The following VWC2L variants were observed in gnomAD, a reference collection of about 807,000 sequenced individuals.
VWC2L encodes von Willebrand factor C domain containing 2 like.
A neutral mutation model predicts 21.6 loss-of-function variants in VWC2L; 10 were observed. The observed-to-expected ratio is 0.46, with a 90% confidence interval of 0.29 to 0.78. The LOEUF is 0.78. Ranked by LOEUF, VWC2L falls within the 30% of genes least tolerant of loss-of-function variation. The probability of loss-of-function intolerance (pLI) is 0.10; values close to 1 mark genes in which losing one functional copy is unlikely to be tolerated. For missense variants in VWC2L, 209 were observed against 277.1 expected, an observed-to-expected ratio of 0.75 and a Z score of 1.74; for synonymous variants, 96 against 94.3, an observed-to-expected ratio of 1.02 and a Z score of -0.10.
chr2:214,484,931 GAAATGTATCATCATGA>G (rs1191520206), intron 3 of VWC2L, among the ~76,000 whole-genome samples: 1 of 152,146 alleles, frequency 6.6e-6, no homozygotes, highest in Non-Finnish European at 1.5e-5. Context: ...CCAGAGCATG[GAAATGTATCATCATGA>G]AAATGTATCA....
At chr2:214,504,387 G>A (rs776724821) in intron 3 of VWC2L, among the ~76,000 whole-genome samples, 17 of 152,196 alleles carry the variant, frequency 1.1e-4, no homozygotes, top group Non-Finnish European at 1.9e-4. Flanking sequence ...GTCTGCATCT[G>A]ATTGCTCACT....
chr2:214,430,705 C>T (rs1288572078), intron 2 of VWC2L, among the ~76,000 whole-genome samples: 1 of 152,080 alleles, frequency 6.6e-6, no homozygotes, highest in Non-Finnish European at 1.5e-5. Flanking sequence ...AAAATATACT[C>T]CAGAATGTAT....
chr2:214,507,033 T>C (rs570470677), intron 3 of VWC2L, among the ~76,000 whole-genome samples: 53 of 152,202 alleles, frequency 3.5e-4, no homozygotes, highest in Middle Eastern at 3.5e-3. Flanking sequence ...AAATATAGAA[T>C]TGATTTTATA....
chr2:214,490,488 G>A (rs984721550), intron 3 of VWC2L, among the ~76,000 whole-genome samples: 1 of 152,100 alleles, frequency 6.6e-6, no homozygotes, highest in African/African-American at 2.4e-5. Flanking sequence ...GGGAGAGAAT[G>A]ATCAAGCTCA....
At chr2:214,568,715 G>T (rs755802097) in intron 3 of VWC2L, among the ~76,000 whole-genome samples, 1 of 152,168 alleles carries the variant, frequency 6.6e-6, no homozygotes, top group East Asian at 1.9e-4. Flanking sequence ...TTCACAACAG[G>T]TGATTATGTT....
intron 3 of VWC2L, among the ~76,000 whole-genome samples, chr2:214,500,936 G>T (rs1488552281): frequency 6.6e-6 from 1 of 152,106 alleles, no homozygotes; most frequent in Non-Finnish European, 1.5e-5. Flanking sequence ...TGAGACATTT[G>T]TCATAATTTC....
At chr2:214,574,939 T>C (rs758544864) in intron 3 of VWC2L, among the ~76,000 whole-genome samples, 1 of 149,172 alleles carries the variant, frequency 6.7e-6, no homozygotes, top group Non-Finnish European at 1.5e-5. Flanking sequence ...TCATCTATAA[T>C]GAGCAGGGGA....
chr2:214,418,954 C>T (rs1702395675), intron 2 of VWC2L, among the ~76,000 whole-genome samples: 1 of 152,168 alleles, frequency 6.6e-6, no homozygotes, highest in South Asian at 2.1e-4. Context: ...AATGACTACC[C>T]AGTGTTTTAG....
At chr2:214,530,242 A>G (rs1470916998) in intron 3 of VWC2L, among the ~76,000 whole-genome samples, 2 of 152,162 alleles carry the variant, frequency 1.3e-5, no homozygotes, top group Non-Finnish European at 2.9e-5. Context: ...TAAAGTCGTG[A>G]CAGCACCACC....
chr2:214,455,876 A>AT (rs201099378), intron 3 of VWC2L, among the ~76,000 whole-genome samples: 1,826 of 151,994 alleles, frequency 0.012, 37 homozygotes, highest in African/African-American at 0.042. Context: ...AAACTATGTC[A>AT]TTTTTTTTAT....
At chr2:214,534,178 CA>C (rs1175253613) in intron 3 of VWC2L, 2 of 152,338 alleles carry the variant, frequency 1.3e-5, no homozygotes, top group Admixed American at 6.6e-5. Context: ...ATGCTGCAGC[CA>C]AGATGGTAAA....
At chr2:214,417,851 G>C (rs1200771559) in intron 2 of VWC2L, among the ~76,000 whole-genome samples, 1 of 152,160 alleles carries the variant, frequency 6.6e-6, no homozygotes, top group Non-Finnish European at 1.5e-5. Context: ...GAAGTAAAGA[G>C]AAATTAATAG....
At chr2:214,502,776 T>C (rs1227563761) in intron 3 of VWC2L, among the ~76,000 whole-genome samples, 2 of 152,318 alleles carry the variant, frequency 1.3e-5, no homozygotes, top group African/African-American at 2.4e-5. Context: ...GTGAAAGTCA[T>C]TCCTGCTTCA....
intron 3 of VWC2L, among the ~76,000 whole-genome samples, chr2:214,495,981 C>T (rs1574597205): frequency 6.6e-6 from 1 of 152,126 alleles, no homozygotes; most frequent in East Asian, 1.9e-4. Context: ...GAAATGTGTC[C>T]TTAGACTATT....
At chr2:214,434,616 TTCC>T (rs1702650886) in intron 2 of VWC2L, among the ~76,000 whole-genome samples, 1 of 152,122 alleles carries the variant, frequency 6.6e-6, no homozygotes, top group Admixed American at 6.6e-5. Context: ...CTCAGCCCAT[TTCC>T]TCATCTGTGA....
At chr2:214,509,426 A>AT (rs1041300697) in intron 3 of VWC2L, among the ~76,000 whole-genome samples, 6 of 150,968 alleles carry the variant, frequency 4.0e-5, no homozygotes, top group Non-Finnish European at 8.8e-5. Context: ...CCAAGACAGA[A>AT]TTTTTTTTTC....
At chr2:214,414,705 T>A in intron 2 of VWC2L, 122 bp downstream of exon 2, 1 of 1,121,960 alleles carries the variant, frequency 8.9e-7, no homozygotes, top group South Asian at 1.7e-5. Flanking sequence ...AATTATACAA[T>A]TTGATTCTAA....
intron 3 of VWC2L, among the ~76,000 whole-genome samples, chr2:214,565,477 A>G (rs773860992): frequency 2.6e-5 from 4 of 152,092 alleles, no homozygotes; most frequent in Non-Finnish European, 4.4e-5. Flanking sequence ...CCCTGACCCT[A>G]CCTAATGATG....
At chr2:214,536,345 C>T (rs1049598697) in intron 3 of VWC2L, among the ~76,000 whole-genome samples, 2 of 152,062 alleles carry the variant, frequency 1.3e-5, no homozygotes, top group African/African-American at 4.8e-5. Context: ...CCAGCAGAAC[C>T]TTCTGTATTC....
Sources: allele counts gnomAD v4.1 joint callset (sites outside exome capture counted in the v4.1 genomes callset), GRCh38; gene constraint gnomAD v4.1.1; transcripts MANE v1.5; gene names NCBI Gene and HGNC (gene_info 2026-07-23, HGNC 2026-07-21).